The following CHST8 variants were observed in gnomAD, a reference collection of about 807,000 sequenced individuals.
The protein encoded by CHST8 is carbohydrate sulfotransferase 8.
CHST8 carries 10 observed loss-of-function variants against 15.0 expected under a neutral mutation model. The ratio of observed to expected loss-of-function variants is 0.67; its 90% CI spans 0.41 to 1.13. CHST8 has a LOEUF of 1.13. Among genes scored for constraint, CHST8 ranks in the 50% most tolerant of loss-of-function variants. The pLI is 0.00. For synonymous variants in CHST8, 259 were observed against 256.6 expected (o/e 1.01, Z -0.09); for missense variants, 634 against 608.2 (o/e 1.04, Z -0.45).
intron 1 of CHST8, among the ~76,000 whole-genome samples, chr19:33,658,017 C>T (rs1222751281): frequency 6.6e-6 from 1 of 152,172 alleles, no homozygotes; most frequent in African/African-American, 2.4e-5. Flanking sequence ...GAGAATTTTT[C>T]CCACCTTAAT....
intron 3 of CHST8, among the ~76,000 whole-genome samples, chr19:33,708,095 T>C (rs1286208394): frequency 1.3e-5 from 2 of 152,208 alleles, no homozygotes; most frequent in Non-Finnish European, 2.9e-5. Context: ...ATTTTAAAAA[T>C]TGGTTTATTT....
chr19:33,697,262 C>T (rs1450497835), intron 3 of CHST8, among the ~76,000 whole-genome samples: 1 of 152,136 alleles, frequency 6.6e-6, no homozygotes, highest in Non-Finnish European at 1.5e-5. Flanking sequence ...TAGAGTCTCA[C>T]TCTGTCACCC....
intron 1 of CHST8, among the ~76,000 whole-genome samples, chr19:33,650,673 A>G (rs1972436129): frequency 6.6e-6 from 1 of 151,196 alleles, no homozygotes; most frequent in African/African-American, 2.4e-5. Flanking sequence ...CTGGGATTAC[A>G]GGCACCCGCC....
In CHST8 at chr19:33,771,489, C is replaced by T. The variant is rs774072457; in HGVS notation, c.168+39C>T. On this transcript the variant is annotated intron_variant, in intron 4 of 4. Transcript: ENST00000650847. ...GTCAGATAAATCTCAGTGCACACAG[C>T]CCTTGGGAAACTGGGGAGGGCTGGG... The T allele has an allele frequency of 5.6e-6, 9 of 1,605,700 alleles. No homozygotes were observed. The East Asian group carries it at 2.0e-4, about 36-fold the overall frequency.
chr19:33,684,977 T>G (rs1236766668), intron 2 of CHST8: 5 of 152,250 alleles, frequency 3.3e-5, no homozygotes, highest in African/African-American at 1.2e-4. Context: ...GCCCGTGTGG[T>G]GCAAGGAGAC....
intron 1 of CHST8, among the ~76,000 whole-genome samples, chr19:33,666,084 C>T (rs1972656366): frequency 6.6e-6 from 1 of 152,214 alleles, no homozygotes; most frequent in African/African-American, 2.4e-5. Context: ...AAAGAAGCAA[C>T]GTTGGCTGCA....
chr19:33,634,651 GTT>G (rs565133027), intron 1 of CHST8, among the ~76,000 whole-genome samples: 1 of 54,960 alleles, frequency 1.8e-5, no homozygotes. Flanking sequence ...TTCTAGGGCT[GTT>G]TTTTTTTTTT....
chr19:33,733,910 C>T (rs1012919069), intron 3 of CHST8, among the ~76,000 whole-genome samples: 2 of 152,240 alleles, frequency 1.3e-5, no homozygotes, highest in Non-Finnish European at 2.9e-5. Context: ...TACAAACTTC[C>T]GTCGTTGATC....
At position 33,772,324 on chromosome 19, in the gene CHST8, G is replaced by A. The variant is rs141411970; in HGVS notation, c.536G>A (p.Arg179His). 1.0e-3 allele frequency: 1,663 copies of A among 1,605,258 alleles called. 2 individuals carry two copies. Among genetic ancestry groups the A allele is most frequent in the Non-Finnish European group, 1.3e-3 (1,522 of 1,179,240 alleles). Residue 179 changes from arginine to histidine, a missense_variant, in exon 5 of 5, where the codon CGC (arginine) becomes CAC (histidine). By Grantham distance (29) the Arg-to-His change is conservative. Transcript: ENST00000650847. ...ASSSRRAVTP[R>H]HVSRIFVEDR... ...AGCAGCCGCCGGGCCGTCACGCCCC[G>A]CCACGTGTCCCGTATCTTCGTGGAG...
chr19:33,704,283 C>T (rs1263956997), intron 3 of CHST8, among the ~76,000 whole-genome samples: 1 of 152,176 alleles, frequency 6.6e-6, no homozygotes, highest in African/African-American at 2.4e-5. Flanking sequence ...AGTCCCAAGA[C>T]CCCATCCCAC....
At chr19:33,665,725 A>G (rs1041070311) in intron 1 of CHST8, among the ~76,000 whole-genome samples, 15 of 152,020 alleles carry the variant, frequency 9.9e-5, no homozygotes, top group African/African-American at 3.4e-4. Flanking sequence ...ACCCAGGAGC[A>G]GTGTCCCCCA....
At chr19:33,683,432 C>T (rs561978818) in intron 2 of CHST8, among the ~76,000 whole-genome samples, 4 of 152,268 alleles carry the variant, frequency 2.6e-5, no homozygotes, top group African/African-American at 4.8e-5. Context: ...TGGTGGCGAG[C>T]GGGCCTCGGG....
intron 2 of CHST8, among the ~76,000 whole-genome samples, chr19:33,682,773 G>T (rs893599707): frequency 2.0e-5 from 3 of 152,156 alleles, no homozygotes; most frequent in Non-Finnish European, 4.4e-5. Flanking sequence ...TAATTTTTTG[G>T]GGGGGTTCCT....
intron 1 of CHST8, among the ~76,000 whole-genome samples, chr19:33,658,879 C>T (rs1025193208): frequency 1.3e-5 from 2 of 151,948 alleles, no homozygotes; most frequent in Admixed American, 6.6e-5. Flanking sequence ...TTAACAATTG[C>T]GTCAGATTCC....
At chr19:33,650,245 G>C (rs139952496) in intron 1 of CHST8, among the ~76,000 whole-genome samples, 2 of 152,074 alleles carry the variant, frequency 1.3e-5, no homozygotes, top group Non-Finnish European at 2.9e-5. Context: ...CAGGAACCCA[G>C]TTTTTAAGAT....
chr19:33,634,836 G>C (rs185643576), intron 1 of CHST8, among the ~76,000 whole-genome samples: 1 of 152,074 alleles, frequency 6.6e-6, no homozygotes, highest in Admixed American at 6.6e-5. Flanking sequence ...CTGACTTGGC[G>C]GGGACTCGTT....
intron 1 of CHST8, among the ~76,000 whole-genome samples, chr19:33,645,237 T>C (rs1459012570): frequency 6.6e-6 from 1 of 152,002 alleles, no homozygotes; most frequent in Admixed American, 6.6e-5. Context: ...TGAGGCCGTG[T>C]GGGGGCGGGG....
chr19:33,771,831 A>G (rs1468847977), intron 4 of CHST8, 126 bp from the exon 5 acceptor site: 1 of 1,165,042 alleles, frequency 8.6e-7, no homozygotes, highest in African/African-American at 1.6e-5. Flanking sequence ...TCTCACCTAC[A>G]GAGTCAGCCT....
At chr19:33,710,390 T>C (rs148440245) in intron 3 of CHST8, among the ~76,000 whole-genome samples, 6 of 152,342 alleles carry the variant, frequency 3.9e-5, no homozygotes, top group African/African-American at 1.4e-4. Flanking sequence ...CTCTCTTTTG[T>C]TTGCTTTATT....
Sources: gnomAD v4.1 joint callset for allele counts (sites outside exome capture counted in the v4.1 genomes callset) on GRCh38, gnomAD v4.1.1 for gene constraint, MANE v1.5 for transcripts, NCBI Gene and HGNC (gene_info 2026-07-23, HGNC 2026-07-21) for gene names.